The following CACNA2D3 variants were observed in gnomAD, a reference collection of about 807,000 sequenced individuals.
The protein encoded by CACNA2D3 is voltage-dependent calcium channel subunit alpha-2/delta-3.
CACNA2D3 carries 60 observed loss-of-function variants against 160.6 expected under a neutral mutation model. That is an observed-to-expected ratio of 0.37 (90% CI 0.30 to 0.46). The LOEUF is 0.46. Among genes scored for constraint, CACNA2D3 ranks in the 20% least tolerant of loss-of-function variants. The pLI is 1.00. For missense variants in CACNA2D3, 1,205 were observed against 1,365.0 expected (o/e 0.88, Z 1.85); for synonymous variants, 558 against 492.9 (o/e 1.13, Z -1.75).
At chr3:54,262,966 C>T (rs574790452) in intron 2 of CACNA2D3, among the ~76,000 whole-genome samples, 4 of 152,250 alleles carry the variant, frequency 2.6e-5, no homozygotes, top group African/African-American at 7.2e-5. Context: ...GATCAGGATT[C>T]GGCTCTTGTT....
At chr3:54,940,674 G>GAAAC (rs137946536) in intron 27 of CACNA2D3, among the ~76,000 whole-genome samples, 3,457 of 152,286 alleles carry the variant, frequency 0.023, 131 homozygotes, top group African/African-American at 0.076. Flanking sequence ...GGACCAAAAA[G>GAAAC]AAGCAAACAA....
chr3:54,534,121 C>G, intron 5 of CACNA2D3, among the ~76,000 whole-genome samples: 1 of 152,128 alleles, frequency 6.6e-6, no homozygotes, highest in East Asian at 1.9e-4. Context: ...GTCCAGGCTG[C>G]CGTCTTCTCT....
chr3:54,947,318 A>T (rs890445118), intron 27 of CACNA2D3, among the ~76,000 whole-genome samples: 1 of 152,184 alleles, frequency 6.6e-6, no homozygotes, highest in African/African-American at 2.4e-5. Context: ...GGGTGGAATA[A>T]TCTTCCAAGC....
intron 2 of CACNA2D3, among the ~76,000 whole-genome samples, chr3:54,178,074 A>G (rs549443233): frequency 2.6e-5 from 4 of 152,286 alleles, no homozygotes; most frequent in African/African-American, 9.6e-5. Flanking sequence ...AACTAGCAGA[A>G]GACAAGGTAA....
At chr3:54,319,843 A>AT (rs1315365534) in intron 2 of CACNA2D3, among the ~76,000 whole-genome samples, 1 of 152,130 alleles carries the variant, frequency 6.6e-6, no homozygotes, top group African/African-American at 2.4e-5. Context: ...ACTTTCCAGA[A>AT]TAAAAAAATT....
intron 2 of CACNA2D3, among the ~76,000 whole-genome samples, chr3:54,124,984 G>C (rs575078062): frequency 6.6e-6 from 1 of 152,146 alleles, no homozygotes. Context: ...TCCTGCTTTG[G>C]CATTTTGCCC....
At chr3:54,585,142 A>C (rs1415103064) in intron 9 of CACNA2D3, among the ~76,000 whole-genome samples, 2 of 152,210 alleles carry the variant, frequency 1.3e-5, no homozygotes, top group African/African-American at 4.8e-5. Flanking sequence ...ACAATTCTTA[A>C]ATTATGTTTG....
At chr3:54,311,394 C>T (rs1197745599) in intron 2 of CACNA2D3, among the ~76,000 whole-genome samples, 2 of 152,206 alleles carry the variant, frequency 1.3e-5, no homozygotes, top group East Asian at 1.9e-4. Flanking sequence ...CATTACTAGG[C>T]TCCTTCATAG....
intron 8 of CACNA2D3, among the ~76,000 whole-genome samples, chr3:54,581,122 G>A (rs9834835): frequency 0.43 from 64,666 of 151,984 alleles, 14,030 homozygotes; most frequent in African/African-American, 0.47. Flanking sequence ...TGTAAGGACC[G>A]GCCTCCCTGC....
chr3:54,781,816 G>A (rs143016865), intron 13 of CACNA2D3, among the ~76,000 whole-genome samples: 1 of 152,342 alleles, frequency 6.6e-6, no homozygotes, highest in Non-Finnish European at 1.5e-5. Flanking sequence ...TCCTTCAGGT[G>A]TTCTGATGGC....
At chr3:54,207,449 C>G (rs9820483) in intron 2 of CACNA2D3, among the ~76,000 whole-genome samples, 60,801 of 145,496 alleles carry the variant, frequency 0.42, 15,943 homozygotes, top group East Asian at 0.77. Flanking sequence ...GCTTTTAAGA[C>G]CATTTAAGAC....
At chr3:54,559,821 C>G (rs1376688442) in intron 5 of CACNA2D3, among the ~76,000 whole-genome samples, 3 of 152,182 alleles carry the variant, frequency 2.0e-5, no homozygotes, top group African/African-American at 7.2e-5. Flanking sequence ...TTAGCTCCCA[C>G]TTAATAAGTG....
At chr3:54,170,825 A>G (rs1398409557) in intron 2 of CACNA2D3, among the ~76,000 whole-genome samples, 1 of 152,184 alleles carries the variant, frequency 6.6e-6, no homozygotes, top group Non-Finnish European at 1.5e-5. Flanking sequence ...AGCTGGAAAG[A>G]TGAGTAGATT....
chr3:54,920,431 C>T (rs1700810162), intron 27 of CACNA2D3, among the ~76,000 whole-genome samples: 1 of 152,152 alleles, frequency 6.6e-6, no homozygotes, highest in Non-Finnish European at 1.5e-5. Flanking sequence ...GTCTTGGGTT[C>T]CTCCTGGCTT....
intron 2 of CACNA2D3, among the ~76,000 whole-genome samples, chr3:54,282,786 A>C (rs1026436577): frequency 6.6e-6 from 1 of 152,202 alleles, no homozygotes; most frequent in East Asian, 1.9e-4. Context: ...GTGAGAGAAT[A>C]AAAGACATCA....
chr3:54,899,333 G>C (rs1700272969), intron 26 of CACNA2D3, among the ~76,000 whole-genome samples: 1 of 152,132 alleles, frequency 6.6e-6, no homozygotes, highest in African/African-American at 2.4e-5. Context: ...CAATTTTATA[G>C]ATCAGTAAAG....
intron 10 of CACNA2D3, among the ~76,000 whole-genome samples, chr3:54,630,764 G>T (rs1699219287): frequency 6.6e-6 from 1 of 152,106 alleles, no homozygotes; most frequent in African/African-American, 2.4e-5. Context: ...TTTTTATCCT[G>T]AATCTTTGTG....
At chr3:55,071,492 G>T (rs764661316) in intron 35 of CACNA2D3, among the ~76,000 whole-genome samples, 1 of 152,096 alleles carries the variant, frequency 6.6e-6, no homozygotes, top group Non-Finnish European at 1.5e-5. Flanking sequence ...TATCTACAGA[G>T]ATTTAGAATA....
At chr3:54,425,412 T>G (rs1699898090) in intron 4 of CACNA2D3, among the ~76,000 whole-genome samples, 1 of 152,198 alleles carries the variant, frequency 6.6e-6, no homozygotes. Context: ...CTGCGCAAAT[T>G]CTTAGGCAAG....
Sources: gnomAD v4.1 joint callset for allele counts (sites outside exome capture counted in the v4.1 genomes callset) on GRCh38, gnomAD v4.1.1 for gene constraint, MANE v1.5 for transcripts, NCBI Gene and HGNC (gene_info 2026-07-23, HGNC 2026-07-21) for gene names.